RRM2B: variants seen among roughly 807,000 people sequenced by gnomAD.
RRM2B encodes ribonucleotide reductase regulatory TP53 inducible subunit M2B.
In RRM2B, 20 loss-of-function variants were observed where a neutral mutation model predicts 45.9. The ratio of observed to expected loss-of-function variants is 0.44; its 90% confidence interval spans 0.31 to 0.63. The LOEUF (loss-of-function observed/expected upper bound fraction) is 0.63. RRM2B is among the 30% of genes least tolerant of loss of function. RRM2B has a pLI of 0.09. For missense variants in RRM2B, 320 were observed against 414.7 expected (o/e 0.77, Z 1.98); for synonymous variants, 124 against 132.3 (o/e 0.94, Z 0.43).
At chr8:102,218,994 T>C (rs572611634) in intron 5 of RRM2B, 47 bp from the exon 6 acceptor site, 1 of 1,558,294 alleles carries the variant, frequency 6.4e-7, no homozygotes, top group South Asian at 1.1e-5. Flanking sequence ...ACTGCAAACA[T>C]TTGCATATAT....
chr8:102,221,305 T>A (rs1810831694), intron 5 of RRM2B, among the ~76,000 whole-genome samples: 1 of 152,204 alleles, frequency 6.6e-6, no homozygotes, highest in African/African-American at 2.4e-5. Flanking sequence ...GAAAGAATAG[T>A]TGCTACGCTG....
chr8:102,238,362 GTCA>G, intron 1 of RRM2B: 1 of 388,844 alleles, frequency 2.6e-6, no homozygotes, highest in South Asian at 2.1e-5. Context: ...CCTTCTACCT[GTCA>G]TCTTCACCCC....
chr8:102,218,725 C>T, intron 6 of RRM2B, 89 bp downstream of exon 6: 1 of 790,082 alleles, frequency 1.3e-6, no homozygotes, highest in Non-Finnish European at 1.9e-6. Context: ...GATCCTGTCT[C>T]AAAAAAAAAA....
chr8:102,209,828 A>G (rs1810605616), intron 8 of RRM2B, among the ~76,000 whole-genome samples: 1 of 152,266 alleles, frequency 6.6e-6, no homozygotes, highest in Non-Finnish European at 1.5e-5. Context: ...TACATGCTAC[A>G]ACATGAATGC....
Position 102,238,852 on chromosome 8 carries a change from T to G in RRM2B, c.23A>C (p.Glu8Ala). 6.2e-7 allele frequency: 1 copy of G among 1,613,002 alleles called. No homozygotes were observed. Among genetic ancestry groups the G allele is most frequent in the Non-Finnish European group, 8.5e-7 (1 of 1,179,888 alleles). The part of the protein sequence containing the change: MGDPERP[E>A]AAGLDQDERS... ...CTCATCCTGATCCAGCCCGGCCGCT[T>G]CCGGCCTTTCCGGGTCGCCCATCGC... Residue 8 changes from glutamate (E) to alanine (A), a missense_variant, in exon 1 of 9, where the codon GAA becomes GCA. By Grantham distance (107) the Glu-to-Ala change is moderately radical. Transcript: ENST00000251810.
intron 2 of RRM2B, among the ~76,000 whole-genome samples, chr8:102,229,285 A>C (rs1482803113): frequency 6.6e-6 from 1 of 152,084 alleles, no homozygotes; most frequent in Admixed American, 6.5e-5. Context: ...AAAAAAAAAA[A>C]AACCCACAAA....
chr8:102,221,958 T>C (rs1156577384), intron 5 of RRM2B, among the ~76,000 whole-genome samples: 1 of 152,218 alleles, frequency 6.6e-6, no homozygotes. Context: ...AAAATGCAGA[T>C]TCCTCAGTCC....
intron 4 of RRM2B, among the ~76,000 whole-genome samples, chr8:102,224,650 A>G (rs1408545028): frequency 1.3e-5 from 2 of 152,232 alleles, no homozygotes; most frequent in African/African-American, 4.8e-5. Context: ...TGAGTATTCA[A>G]TTTCTAAACA....
chr8:102,212,696 G>A (rs1810656061), intron 8 of RRM2B, 80 bp downstream of exon 8: 4 of 769,386 alleles, frequency 5.2e-6, no homozygotes, highest in African/African-American at 1.7e-5. Flanking sequence ...TGTTACAAAT[G>A]CTTTCAGTAA....
intron 5 of RRM2B, among the ~76,000 whole-genome samples, chr8:102,221,201 T>G (rs1810829979): frequency 6.6e-6 from 1 of 152,228 alleles, no homozygotes; most frequent in South Asian, 2.1e-4. Flanking sequence ...TTGAATCTCC[T>G]TATAACATAA....
rs1196710469 is a variant in RRM2B, at chr8:102,214,050, T to C, written c.789+4A>G. On this transcript the variant is annotated splice_donor_region_variant and intron_variant, in intron 7 of 8. Coordinates refer to ENST00000251810, the MANE Select transcript of RRM2B (RefSeq NM_015713.5). ...GTGCTAATTACACAAACTTCCCGGTTTACCTGCTCAATTTTGACAGCATCA... is the reference window on the plus strand; with the variant it reads ...GTGCTAATTACACAAACTTCCCGGTCTACCTGCTCAATTTTGACAGCATCA... 11 of 1,598,168 alleles carry C rather than the reference T, an allele frequency of 6.9e-6. No individual in the cohort carries two copies. The highest frequency in any genetic ancestry group is 1.3e-5 in the African/African-American group (1 of 74,676).
chr8:102,226,019 C>A lies in RRM2B; in HGVS notation c.220G>T (p.Asp74Tyr). 3.7e-6 allele frequency: 6 copies of A among 1,605,422 alleles called. No individual in the cohort carries two copies. Among genetic ancestry groups the A allele is most frequent in the Non-Finnish European group, 5.1e-6 (6 of 1,172,366 alleles). ...WTAEEVDLSK[D>Y]LPHWNKLKAD... Reference sequence around the variant, plus strand: ...TTAAGCTTGTTCCAGTGAGGGAGATCCTTTGATAAGTCGACCTGGAATAAA... The same window carrying A: ...TTAAGCTTGTTCCAGTGAGGGAGATACTTTGATAAGTCGACCTGGAATAAA... Residue 74 changes from aspartate to tyrosine, a missense_variant, in exon 3 of 9, where the codon GAT becomes TAT. Asp to Tyr is a radical substitution (Grantham distance 160). This residue lies in a region of RRM2B where 225 missense variants were observed against 289.4 expected (regional missense o/e 0.78). Coordinates refer to ENST00000251810, the MANE Select transcript of RRM2B (RefSeq NM_015713.5).
intron 2 of RRM2B, among the ~76,000 whole-genome samples, chr8:102,226,295 T>C (rs1465165074): frequency 1.3e-5 from 2 of 150,198 alleles, no homozygotes; most frequent in East Asian, 3.9e-4. Context: ...AAAGGAAATA[T>C]TAATTTGTTA....
At chr8:102,220,205 C>T (rs1485924693) in intron 5 of RRM2B, among the ~76,000 whole-genome samples, 6 of 152,184 alleles carry the variant, frequency 3.9e-5, no homozygotes, top group African/African-American at 1.4e-4. Flanking sequence ...CACCACTGCA[C>T]TCCAGCTGGG....
intron 2 of RRM2B, among the ~76,000 whole-genome samples, chr8:102,226,409 G>A (rs926559921): frequency 6.6e-6 from 1 of 150,804 alleles, no homozygotes; most frequent in African/African-American, 2.4e-5. Context: ...AGATGGAATC[G>A]AATTTTCTGG....
At chr8:102,221,477 G>C (rs922120357) in intron 5 of RRM2B, among the ~76,000 whole-genome samples, 3 of 152,174 alleles carry the variant, frequency 2.0e-5, no homozygotes, top group African/African-American at 7.2e-5. Flanking sequence ...GAAAGTAGCA[G>C]TGTGCAGCAA....
chr8:102,215,108 G>A (rs559412737), intron 6 of RRM2B, among the ~76,000 whole-genome samples: 29 of 149,482 alleles, frequency 1.9e-4, no homozygotes, highest in Non-Finnish European at 3.7e-4. Context: ...GAGAGAGGTC[G>A]GATATAGAAA....
chr8:102,225,126 A>G, intron 3 of RRM2B, 108 bp from the exon 4 acceptor site: 1 of 1,101,070 alleles, frequency 9.1e-7, no homozygotes. Context: ...CCTGTCATGT[A>G]ACAAACAGGT....
rs534905396 is a variant in RRM2B, at chr8:102,233,780, C to G, written c.49-1476G>C. On this transcript the variant is annotated intron_variant, in intron 1 of 8. Transcript: ENST00000251810. ...GAATCCCTTGTGCTTAGCACAGTAC[C>G]TGGCACTTAGTTGGTACTCATTCCA... Among the ~76,000 whole-genome samples the G allele has an allele frequency of 3.3e-5, 5 of 152,310 alleles. No homozygotes were observed. The South Asian group carries it at 6.2e-4, about 19-fold the overall frequency.
Sources: allele counts gnomAD v4.1 joint callset (sites outside exome capture counted in the v4.1 genomes callset), GRCh38; gene constraint gnomAD v4.1.1; regional missense constraint gnomAD v4.1.1; transcripts MANE v1.5; gene names NCBI Gene and HGNC (gene_info 2026-07-23, HGNC 2026-07-21).